MUC17: variants seen among roughly 807,000 people sequenced by gnomAD.
MUC17 encodes mucin-17.
MUC17 carries 190 observed loss-of-function variants against 170.3 expected under a neutral mutation model. That is an observed-to-expected ratio of 1.12 (90% CI 0.99 to 1.26). The LOEUF (loss-of-function observed/expected upper bound fraction) is 1.26. Ranked by LOEUF, MUC17 falls within the 50% of genes most tolerant of loss-of-function variation. The pLI, the probability that MUC17 is intolerant of heterozygous loss-of-function variation, is 0.00. For synonymous variants in MUC17, 2,325 were observed against 2,002.5 expected, an observed-to-expected ratio of 1.16 and a Z score of -4.30; for missense variants, 6,415 against 5,530.0, an observed-to-expected ratio of 1.16 and a Z score of -5.08.
chr7:101,037,079 CA>C lies in MUC17; in HGVS notation c.5665del (p.Thr1889GlnfsTer10). On this transcript the variant is annotated frameshift_variant, in exon 3 of 13. Coordinates refer to ENST00000306151, the MANE Select transcript of MUC17 (RefSeq NM_001040105.2). LOFTEE classifies it high-confidence loss of function. ...GCCAGTTCTGAAACCAACACCCTTT[CA>C]ACAACTCCCGCTGTCACCAGCACAC... ...TVASSETNTL[S>X]TTPAVTSTPV... The C allele has an allele frequency of 6.3e-7, 1 of 1,582,408 alleles. No individual in the cohort carries two copies. The highest frequency in any genetic ancestry group is 1.4e-5 in the African/African-American group (1 of 69,538).
chr7:101,020,674 C>G (rs1445569512), intron 1 of MUC17, among the ~76,000 whole-genome samples: 1 of 152,116 alleles, frequency 6.6e-6, no homozygotes, highest in Admixed American at 6.5e-5. Flanking sequence ...AGGAATGTTT[C>G]CGGGACATAG....
At chr7:101,057,859 G>T in intron 12 of MUC17, 144 bp from the exon 13 acceptor site, 1 of 614,670 alleles carries the variant, frequency 1.6e-6, no homozygotes, top group South Asian at 2.5e-5. Context: ...CAGCCTGGAT[G>T]GCAGAGTAAG....
Position 101,043,583 on chromosome 7 carries a change from C to T in MUC17, c.12167C>T (p.Thr4056Ile). The change falls in exon 3 of 13, where the codon ACA becomes ATA. Residue 4056 changes from threonine (T) to isoleucine (I), a missense_variant. Physicochemically the swap from Thr to Ile is moderately conservative, Grantham distance 89. Transcript: ENST00000306151. ...TCATCAGAATCCAGCAGGCCGTCAA[C>T]AATTACTTCTCACACCATCCCACCT... is the stretch of plus-strand genomic sequence containing the variant. ...TPSSESSRPS[T>I]ITSHTIPPTF... 1 of 1,614,194 alleles carries T rather than the reference C, an allele frequency of 6.2e-7. No individual in the cohort carries two copies. The highest frequency in any genetic ancestry group is 8.5e-7 in the Non-Finnish European group (1 of 1,180,030).
intron 3 of MUC17, among the ~76,000 whole-genome samples, chr7:101,047,079 TC>T (rs1324066562): frequency 2.5e-4 from 30 of 121,816 alleles, no homozygotes; most frequent in African/African-American, 1.0e-3. Context: ...AGACTCCGTC[TC>T]AAAAAAAAAA....
intron 3 of MUC17, among the ~76,000 whole-genome samples, chr7:101,045,715 T>C (rs535284968): frequency 9.2e-5 from 14 of 152,324 alleles, no homozygotes; most frequent in African/African-American, 3.4e-4. Flanking sequence ...ATATGGCTTT[T>C]TTCTCTGGAT....
chr7:101,050,358 C>G, intron 6 of MUC17, 126 bp from the exon 7 acceptor site: 4 of 1,371,880 alleles, frequency 2.9e-6, no homozygotes, highest in Non-Finnish European at 9.9e-7. Flanking sequence ...ACAGAGTCAT[C>G]ACCCCAACTG....
intron 1 of MUC17, among the ~76,000 whole-genome samples, chr7:101,023,074 G>A (rs1794123514): frequency 6.6e-6 from 1 of 152,194 alleles, no homozygotes; most frequent in Non-Finnish European, 1.5e-5. Flanking sequence ...CGCCAGGGAA[G>A]GGTCTGTCCC....
Position 101,033,307 on chromosome 7 carries a change from A to G in MUC17, c.1891A>G (p.Ile631Val), listed in dbSNP as rs746811864. Reference protein sequence around the residue: ...TSTYSERGTTITSMSVSTTLV... With the variant: ...TSTYSERGTTVTSMSVSTTLV... ...AACTTACAGTGAAAGAGGCACTACAATAACAAGTATGTCTGTCAGCACCAC... is the reference window on the plus strand; with the variant it reads ...AACTTACAGTGAAAGAGGCACTACAGTAACAAGTATGTCTGTCAGCACCAC... The change falls in exon 3 of 13, where the codon ATA (isoleucine) becomes GTA (valine). Residue 631 changes from isoleucine to valine, a missense_variant. Physicochemically the swap from Ile to Val is conservative, Grantham distance 29. Coordinates refer to ENST00000306151, the MANE Select transcript of MUC17 (RefSeq NM_001040105.2). The G allele has an allele frequency of 3.1e-6, 5 of 1,599,092 alleles. No homozygotes were observed. In the Admixed American group the frequency reaches 6.9e-5, roughly 22 times the overall value.
chr7:101,040,144 C>T lies in MUC17; in HGVS notation c.8728C>T (p.Pro2910Ser). ...CACTTCTACTGAAGGCAGTTCTTCT[C>T]CTACAACTGCTGAAGGTACCAGCAT... is the stretch of plus-strand genomic sequence containing the variant. Reference protein sequence around the residue: ...VTTSTEGSSSPTTAEGTSMPI... With the variant: ...VTTSTEGSSSSTTAEGTSMPI... The change falls in exon 3 of 13, where the codon CCT becomes TCT. Residue 2910 changes from proline (P) to serine (S), a missense_variant. Pro to Ser is a moderately conservative substitution (Grantham distance 74, BLOSUM62 -1). Coordinates refer to ENST00000306151, the MANE Select transcript of MUC17 (RefSeq NM_001040105.2). 3.7e-6 allele frequency: 6 copies of T among 1,612,754 alleles called. No homozygotes were observed. Among genetic ancestry groups the T allele is most frequent in the Non-Finnish European group, 5.1e-6 (6 of 1,179,444 alleles).
At position 101,034,227 on chromosome 7, in the gene MUC17, C is replaced by T. The variant is rs762930902; in HGVS notation, c.2811C>T (p.Val937=). 3.0e-5 allele frequency: 48 copies of T among 1,602,296 alleles called. No individual in the cohort carries two copies. In the Middle Eastern group the frequency reaches 1.0e-3, roughly 33 times the overall value. The stretch of plus-strand genomic sequence containing the variant: ...TGCCTGACAGCACCACGCCGGTAGT[C>T]AGTTCTGAGGCTAGAACACTTTCAG... ...TSMPDSTTPV[V]SSEARTLSAT... is the part of the protein sequence containing the mutation. Residue 937 remains valine, a synonymous_variant, in exon 3 of 13, where the codon GTC becomes GTT. Transcript: ENST00000306151.
intron 6 of MUC17, 82 bp downstream of exon 6, chr7:101,049,464 C>G: frequency 6.6e-7 from 1 of 1,517,034 alleles, no homozygotes; most frequent in South Asian, 1.3e-5. Flanking sequence ...AACTGTGCCC[C>G]CTGCATTACT....
At position 101,033,311 on chromosome 7, in the gene MUC17, C is replaced by A. The variant is rs768452573; in HGVS notation, c.1895C>A (p.Thr632Lys). ...STYSERGTTI[T>K]SMSVSTTLVA... ...TACAGTGAAAGAGGCACTACAATAA[C>A]AAGTATGTCTGTCAGCACCACACTG... is the stretch of plus-strand genomic sequence containing the variant. The change falls in exon 3 of 13, where the codon ACA becomes AAA. Residue 632 changes from threonine (T) to lysine (K), a missense_variant. Physicochemically the swap from Thr to Lys is moderately conservative, Grantham distance 78. Transcript: ENST00000306151. 5 of 1,613,704 alleles carry A rather than the reference C, an allele frequency of 3.1e-6. No homozygotes were observed. The highest frequency in any genetic ancestry group is 2.7e-5 in the African/African-American group (2 of 74,882).
chr7:101,052,034 C>G (rs1794958218), intron 9 of MUC17, 72 bp downstream of exon 9: 1 of 1,524,462 alleles, frequency 6.6e-7, no homozygotes, highest in South Asian at 1.2e-5. Context: ...GGGCTTCACC[C>G]CAGGCATTGC....
At chr7:101,025,833 C>G (rs1794170796) in intron 1 of MUC17, among the ~76,000 whole-genome samples, 1 of 151,640 alleles carries the variant, frequency 6.6e-6, no homozygotes, top group African/African-American at 2.4e-5. Context: ...TGATGCATGC[C>G]TGTAGTCCCA....
chr7:101,055,067 C>G (rs1305944519), intron 11 of MUC17, among the ~76,000 whole-genome samples: 1 of 151,914 alleles, frequency 6.6e-6, no homozygotes, highest in Non-Finnish European at 1.5e-5. Flanking sequence ...GAAATCGCAC[C>G]ACTACACTCC....
rs144474973 is a variant in MUC17 at position 101,042,837 on chromosome 7, A to C, written c.11421A>C (p.Ser3807=). 6 of 1,614,038 alleles carry C rather than the reference A, an allele frequency of 3.7e-6. No individual in the cohort carries two copies. Among genetic ancestry groups the C allele is most frequent in the Admixed American group, 3.3e-5 (2 of 59,992 alleles). ...TLEGTTTMPM[S]TTSERSTLLT... ...AAGGCACCACCACCATGCCTATGTC[A>C]ACTACGAGTGAAAGAAGCACTTTAT... The change falls in exon 3 of 13, where the codon TCA becomes TCC. Residue 3807 remains serine, a synonymous_variant. Transcript: ENST00000306151.
Position 101,032,109 on chromosome 7 carries a change from A to G in MUC17, c.693A>G (p.Ser231=). The G allele has an allele frequency of 6.2e-7, 1 of 1,602,848 alleles. No individual in the cohort carries two copies. The highest frequency in any genetic ancestry group is 1.1e-5 in the South Asian group (1 of 89,852). Residue 231 remains serine (S), a synonymous_variant, in exon 3 of 13, where the codon TCA becomes TCG. Coordinates refer to ENST00000306151, the MANE Select transcript of MUC17 (RefSeq NM_001040105.2). Reference sequence around the variant, plus strand: ...CCAGCACCATGAAGGTGGCCAGTTCAGAGGCTATCACCCTTTTGACAACTC... The same window carrying G: ...CCAGCACCATGAAGGTGGCCAGTTCGGAGGCTATCACCCTTTTGACAACTC... The part of the protein sequence containing the change: ...MPASTMKVAS[S]EAITLLTTPV...
chr7:101,055,768 CA>C (rs1051668799), intron 11 of MUC17, among the ~76,000 whole-genome samples: 16 of 152,094 alleles, frequency 1.1e-4, no homozygotes, highest in African/African-American at 3.6e-4. Context: ...AAAAAAGCCT[CA>C]AAAAACTTAC....
intron 1 of MUC17, among the ~76,000 whole-genome samples, chr7:101,023,603 G>T (rs887896084): frequency 1.3e-5 from 2 of 151,968 alleles, no homozygotes; most frequent in Admixed American, 6.6e-5. Flanking sequence ...CGGGGGTTTC[G>T]CCATGTTGAC....
Sources: allele counts gnomAD v4.1 joint callset (sites outside exome capture counted in the v4.1 genomes callset), GRCh38; gene constraint gnomAD v4.1.1; transcripts MANE v1.5; gene names NCBI Gene and HGNC (gene_info 2026-07-23, HGNC 2026-07-21).